TMEM108: variants seen among roughly 807,000 people sequenced by gnomAD.
The protein encoded by TMEM108 is transmembrane protein 108.
In TMEM108, 12 loss-of-function variants were observed where a neutral mutation model predicts 35.1. That is an observed-to-expected ratio of 0.34 (90% CI 0.22 to 0.55). The LOEUF (loss-of-function observed/expected upper bound fraction) is 0.55, where lower values mean the gene tolerates loss of function less well. TMEM108 is among the 20% of genes least tolerant of loss of function. The pLI is 0.89. For missense variants in TMEM108, 680 were observed against 753.3 expected (o/e 0.90, Z 1.14); for synonymous variants, 287 against 308.6 (o/e 0.93, Z 0.73).
At chr3:133,238,893 G>C (rs1946275945) in intron 3 of TMEM108, among the ~76,000 whole-genome samples, 1 of 152,168 alleles carries the variant, frequency 6.6e-6, no homozygotes, top group Non-Finnish European at 1.5e-5. Flanking sequence ...ATAAGAGTCA[G>C]AGTCATTTCC....
At chr3:133,395,753 G>C in intron 5 of TMEM108, 111 bp from the exon 6 acceptor site, 1 of 1,172,986 alleles carries the variant, frequency 8.5e-7, no homozygotes. Flanking sequence ...ATGAAAATGT[G>C]CACCAAGCCA....
intron 2 of TMEM108, among the ~76,000 whole-genome samples, chr3:133,163,452 T>C (rs1016888958): frequency 2.0e-5 from 3 of 152,028 alleles, no homozygotes; most frequent in Non-Finnish European, 4.4e-5. Context: ...TTATATACCA[T>C]AGGGGTCAAG....
At chr3:133,378,363 C>T (rs1576527783) in intron 3 of TMEM108, 1 of 985,528 alleles carries the variant, frequency 1.0e-6, no homozygotes, top group East Asian at 1.1e-4. Flanking sequence ...CTCCATCAGA[C>T]ACCTGGGAAT....
chr3:133,336,356 G>A (rs963521093), intron 3 of TMEM108, among the ~76,000 whole-genome samples: 1 of 152,110 alleles, frequency 6.6e-6, no homozygotes, highest in Non-Finnish European at 1.5e-5. Flanking sequence ...ATAGGAGAGG[G>A]AAGAGTTAAG....
At chr3:133,339,244 TA>T (rs1306071493) in intron 3 of TMEM108, among the ~76,000 whole-genome samples, 1 of 146,732 alleles carries the variant, frequency 6.8e-6, no homozygotes, top group African/African-American at 2.5e-5. Flanking sequence ...AAGACAAAAA[TA>T]AACTGAAAAT....
At position 133,223,412 on chromosome 3, in the gene TMEM108, A is replaced by G. The variant is rs79829145; in HGVS notation, c.-46-5854A>G. ...ACCTGGAGCTTAAAACTACTGTAGT[A>G]GACCTGTTATTGGGTCTATAGGCAT... On this transcript the variant is annotated intron_variant, in intron 2 of 5. Transcript: ENST00000321871. Among the ~76,000 whole-genome samples the G allele has an allele frequency of 0.017, 2,569 of 152,282 alleles. 163 individuals carry two copies. The East Asian group carries it at 0.22, about 13-fold the overall frequency.
intron 3 of TMEM108, among the ~76,000 whole-genome samples, chr3:133,268,608 GTAATGATA>G (rs1284427151): frequency 6.6e-6 from 1 of 152,176 alleles, no homozygotes; most frequent in Non-Finnish European, 1.5e-5. Context: ...CACAGCATCA[GTAATGATA>G]TGGTATGATC....
rs1445892399 is a variant in TMEM108 at position 133,196,706 on chromosome 3, A to C, written c.-46-32560A>C. Among the ~76,000 whole-genome samples, 3 of 152,354 alleles carry C rather than the reference A, an allele frequency of 2.0e-5. No homozygotes were observed. The South Asian group carries it at 6.2e-4, about 32-fold the overall frequency. Reference sequence around the variant, plus strand: ...CAAGTAACAAGAAGTGAATAGACCAACATTCAGGGCTGCTGAGTCAGCTCC... The same window carrying C: ...CAAGTAACAAGAAGTGAATAGACCACCATTCAGGGCTGCTGAGTCAGCTCC... On this transcript the variant is annotated intron_variant, in intron 2 of 5. Coordinates refer to ENST00000321871, the MANE Select transcript of TMEM108 (RefSeq NM_023943.4).
intron 2 of TMEM108, among the ~76,000 whole-genome samples, chr3:133,057,973 T>C (rs1214062125): frequency 1.3e-5 from 2 of 152,198 alleles, no homozygotes; most frequent in Non-Finnish European, 2.9e-5. Flanking sequence ...TGTTAATCCT[T>C]CTGAAGGAGA....
At chr3:133,292,131 A>G (rs2107696237) in intron 3 of TMEM108, among the ~76,000 whole-genome samples, 1 of 151,154 alleles carries the variant, frequency 6.6e-6, no homozygotes, top group South Asian at 2.1e-4. Context: ...ATGGTTGCGT[A>G]GAAGTTTACC....
At chr3:133,269,439 G>A (rs1192333264) in intron 3 of TMEM108, among the ~76,000 whole-genome samples, 5 of 152,128 alleles carry the variant, frequency 3.3e-5, no homozygotes, top group South Asian at 4.1e-4. Flanking sequence ...GGCATGAACC[G>A]TTGTCCCTAC....
rs2073309182 is a variant in TMEM108, at chr3:133,396,532, T to C, written c.*546T>C. 1 of 152,196 alleles carries C rather than the reference T, an allele frequency of 6.6e-6. No individual in the cohort carries two copies. Among genetic ancestry groups the C allele is most frequent in the South Asian group, 2.1e-4 (1 of 4,818 alleles). 9.4% of individuals were successfully genotyped at this position (152,196 alleles called of 1,614,324 possible). On this transcript the variant is annotated 3_prime_UTR_variant, in exon 6 of 6. Coordinates refer to ENST00000321871, the MANE Select transcript of TMEM108 (RefSeq NM_023943.4). ...ACCCTGGAGCCTTATGACGGCACCA[T>C]TGGATGTCATGTTTAATTCCATCCA...
intron 3 of TMEM108, among the ~76,000 whole-genome samples, chr3:133,278,659 A>G (rs1946869885): frequency 6.6e-6 from 1 of 152,222 alleles, no homozygotes; most frequent in Non-Finnish European, 1.5e-5. Context: ...CTAAACATAG[A>G]AAAGGTACGA....
intron 3 of TMEM108, among the ~76,000 whole-genome samples, chr3:133,259,500 T>C (rs111316983): frequency 0.01 from 1,544 of 152,252 alleles, 24 homozygotes; most frequent in African/African-American, 0.034. Flanking sequence ...CATTATACAG[T>C]TGAGGAAACT....
At chr3:133,203,656 T>C (rs1249947104) in intron 2 of TMEM108, among the ~76,000 whole-genome samples, 1 of 152,178 alleles carries the variant, frequency 6.6e-6, no homozygotes, top group African/African-American at 2.4e-5. Context: ...GACTTGATCA[T>C]GGTGGATAAG....
intron 3 of TMEM108, among the ~76,000 whole-genome samples, chr3:133,308,365 G>A (rs971478775): frequency 1.6e-4 from 24 of 151,868 alleles, no homozygotes; most frequent in African/African-American, 5.6e-4. Flanking sequence ...TTTCTCTTGC[G>A]TGATTACCCT....
At chr3:133,345,534 C>T (rs2071790740) in intron 3 of TMEM108, among the ~76,000 whole-genome samples, 1 of 151,694 alleles carries the variant, frequency 6.6e-6, no homozygotes, top group South Asian at 2.1e-4. Flanking sequence ...ATTCCAGACA[C>T]TCAAATAAAT....
At chr3:133,109,945 C>T (rs1037377936) in intron 2 of TMEM108, among the ~76,000 whole-genome samples, 1 of 152,120 alleles carries the variant, frequency 6.6e-6, no homozygotes, top group African/African-American at 2.4e-5. Context: ...GTAGCTATGA[C>T]AGATTTTCTT....
At chr3:133,385,696 C>T (rs561600666) in intron 4 of TMEM108, among the ~76,000 whole-genome samples, 62 of 152,216 alleles carry the variant, frequency 4.1e-4, no homozygotes, top group Admixed American at 2.9e-3. Flanking sequence ...CTGCATAGAT[C>T]ATTAGAGAGG....
Sources: gnomAD v4.1 joint callset for allele counts (sites outside exome capture counted in the v4.1 genomes callset) on GRCh38, gnomAD v4.1.1 for gene constraint, MANE v1.5 for transcripts, NCBI Gene and HGNC (gene_info 2026-07-23, HGNC 2026-07-21) for gene names.